The following PRP4K variants were observed in gnomAD, a reference collection of about 807,000 sequenced individuals.
PRP4K encodes the protein pre-mRNA processing factor kinase PRP4K.
At chr6:4,037,634 A>C in the PRP4K span, 21 of 1,473,552 alleles carry the variant, frequency 1.4e-5, no homozygotes, top group African/African-American at 2.8e-5. Context: ...CAGTGAGCTC[A>C]CTTGGTAGGT....
At chr6:4,026,286 G>T in the PRP4K span, among the ~76,000 whole-genome samples, 1 of 146,560 alleles carries the variant, frequency 6.8e-6, no homozygotes, top group South Asian at 2.2e-4. Flanking sequence ...TTACAGGTGT[G>T]AGCCACTGTG....
chr6:4,039,031 A>G, the PRP4K span, among the ~76,000 whole-genome samples: 2 of 151,612 alleles, frequency 1.3e-5, no homozygotes, highest in Non-Finnish European at 2.9e-5. Context: ...TCTGTCTCTC[A>G]GACAATAGCG....
chr6:4,031,721 A>C, the PRP4K span: 13 of 1,603,030 alleles, frequency 8.1e-6, no homozygotes, highest in Non-Finnish European at 1.1e-5. Flanking sequence ...AGGATAAAAA[A>C]CATAAACATA....
chr6:4,056,186 G>A, the PRP4K span: 1 of 614,720 alleles, frequency 1.6e-6, no homozygotes, highest in African/African-American at 1.8e-5. Context: ...AAAATAAATA[G>A]AAAAGGAATT....
the PRP4K span, among the ~76,000 whole-genome samples, chr6:4,040,180 C>A: frequency 6.6e-6 from 1 of 151,666 alleles, no homozygotes; most frequent in African/African-American, 2.4e-5. Context: ...GCACCCAGCC[C>A]CCAGTTTTTT....
At chr6:4,021,433 C>T in the PRP4K span, 25 of 1,584,760 alleles carry the variant, frequency 1.6e-5, no homozygotes, top group East Asian at 5.2e-4. Context: ...AAGATGGCCG[C>T]CGCGGAGACC....
the PRP4K span, among the ~76,000 whole-genome samples, chr6:4,022,176 T>TTTTTC: frequency 7.7e-6 from 1 of 130,194 alleles, no homozygotes; most frequent in African/African-American, 2.8e-5. Context: ...TTTTTTTTTT[T>TTTTTC]GCCTGAGTTT....
At chr6:4,046,527 T>C in the PRP4K span, among the ~76,000 whole-genome samples, 2 of 152,216 alleles carry the variant, frequency 1.3e-5, no homozygotes, top group East Asian at 3.8e-4. Context: ...AGTTGAAATA[T>C]TAACCTTTTG....
At chr6:4,022,199 T>A in the PRP4K span, among the ~76,000 whole-genome samples, 1 of 146,762 alleles carries the variant, frequency 6.8e-6, no homozygotes, top group African/African-American at 2.6e-5. Context: ...AACCCTTCTT[T>A]AGGAGGACGA....
At chr6:4,060,711 C>G in the PRP4K span, 6 of 1,155,042 alleles carry the variant, frequency 5.2e-6, no homozygotes, top group Non-Finnish European at 6.0e-6. The surrounding 1 kb of genome is among the most constrained non-coding windows in gnomAD (Gnocchi z 4.7). Flanking sequence ...AAATATTTCT[C>G]CAGCAAATTT....
the PRP4K span, among the ~76,000 whole-genome samples, chr6:4,024,568 AAAG>A: frequency 2.0e-4 from 30 of 152,252 alleles, no homozygotes; most frequent in South Asian, 4.8e-3. Context: ...AAAAAATGTG[AAAG>A]AAGAAGTTAA....
At chr6:4,050,883 C>G in the PRP4K span, among the ~76,000 whole-genome samples, 1 of 152,018 alleles carries the variant, frequency 6.6e-6, no homozygotes, top group Non-Finnish European at 1.5e-5. Context: ...TTACTATGTT[C>G]TGTTTTTTTG....
At chr6:4,056,259 T>G in the PRP4K span, 1 of 1,200,208 alleles carries the variant, frequency 8.3e-7, no homozygotes, top group Non-Finnish European at 1.2e-6. Flanking sequence ...CCAATAATTT[T>G]TATTTATTTG....
chr6:4,056,828 C>A, the PRP4K span: 2 of 1,138,334 alleles, frequency 1.8e-6, no homozygotes, highest in East Asian at 2.7e-5. Context: ...TAAGTTCCTC[C>A]CCTACACCTC....
chr6:4,047,320 GAA>G, the PRP4K span: 2 of 1,197,484 alleles, frequency 1.7e-6, no homozygotes, highest in Non-Finnish European at 2.4e-6. Context: ...TACATATAGA[GAA>G]AGAAGAATAA....
the PRP4K span, among the ~76,000 whole-genome samples, chr6:4,054,123 A>G: frequency 3.3e-5 from 5 of 152,124 alleles, no homozygotes; most frequent in Non-Finnish European, 7.3e-5. Context: ...GCTGGTCTCA[A>G]ACTCCTGGGC....
chr6:4,051,299 TTTTTTGTTTG>T, the PRP4K span, among the ~76,000 whole-genome samples: 2 of 152,086 alleles, frequency 1.3e-5, no homozygotes, highest in African/African-American at 2.4e-5. Context: ...TTTGTTTTGT[TTTTTTGTTTG>T]TTTTTGTTTG....
the PRP4K span, chr6:4,032,808 C>T: frequency 4.5e-5 from 63 of 1,413,254 alleles, no homozygotes; most frequent in East Asian, 7.4e-4. Flanking sequence ...AGATTTTAAA[C>T]GGAAAACTAG....
the PRP4K span, among the ~76,000 whole-genome samples, chr6:4,040,087 T>C: frequency 2.0e-5 from 3 of 152,066 alleles, no homozygotes; most frequent in South Asian, 6.2e-4. Flanking sequence ...GGTTTTGCCA[T>C]GTTGCCCAGG....
Sources: allele counts gnomAD v4.1 joint callset (sites outside exome capture counted in the v4.1 genomes callset), GRCh38; gene constraint gnomAD v4.1.1; non-coding constraint Gnocchi (gnomAD v3.1); transcripts MANE v1.5; gene names NCBI Gene and HGNC (gene_info 2026-07-23, HGNC 2026-07-21).